The following PDS5A variants were observed in gnomAD, a reference collection of about 807,000 sequenced individuals.
PDS5A encodes PDS5 cohesin associated factor A, also known as sister chromatid cohesion protein PDS5 homolog A.
PDS5A carries 42 observed loss-of-function variants against 167.1 expected under a neutral mutation model. The observed-to-expected ratio is 0.25, with a 90% CI of 0.20 to 0.33. The LOEUF (loss-of-function observed/expected upper bound fraction) is 0.33. Among genes scored for constraint, PDS5A ranks in the 10% least tolerant of loss-of-function variants. The probability of loss-of-function intolerance (pLI) is 1.00; values close to 1 mark genes in which losing one functional copy is unlikely to be tolerated. For synonymous variants in PDS5A, 553 were observed against 554.6 expected (o/e 1.00, Z 0.04); for missense variants, 1,033 against 1,605.9 (o/e 0.64, Z 6.10).
chr4:39,959,507 C>G (rs942753508), intron 2 of PDS5A, among the ~76,000 whole-genome samples: 1 of 152,046 alleles, frequency 6.6e-6, no homozygotes, highest in Admixed American at 6.6e-5. Context: ...CACACCACCA[C>G]ACCCAGCTAA....
intron 32 of PDS5A, among the ~76,000 whole-genome samples, chr4:39,830,617 G>T (rs1371195835): frequency 6.6e-6 from 1 of 152,058 alleles, no homozygotes; most frequent in South Asian, 2.1e-4. Context: ...TAGAGATAGG[G>T]TTTCACCATG....
chr4:39,895,426 C>T (rs909686202), intron 16 of PDS5A, among the ~76,000 whole-genome samples: 9 of 151,886 alleles, frequency 5.9e-5, no homozygotes, highest in Non-Finnish European at 1.5e-5. Flanking sequence ...GATAAAAACA[C>T]AATATAAACC....
intron 2 of PDS5A, among the ~76,000 whole-genome samples, chr4:39,947,821 T>G (rs1727917035): frequency 6.6e-6 from 1 of 152,124 alleles, no homozygotes; most frequent in South Asian, 2.1e-4. Context: ...CATTATCTAT[T>G]CATGAGGGAC....
At chr4:39,871,551 A>AGGCCT (rs1720030601) in intron 21 of PDS5A, among the ~76,000 whole-genome samples, 1 of 152,218 alleles carries the variant, frequency 6.6e-6, no homozygotes, top group Non-Finnish European at 1.5e-5. Context: ...AAGATTACCG[A>AGGCCT]AACATGTGAG....
chr4:39,945,458 CAAAAA>C (rs1210256217), intron 2 of PDS5A, among the ~76,000 whole-genome samples: 1 of 66,840 alleles, frequency 1.5e-5, no homozygotes, highest in Non-Finnish European at 3.0e-5. Context: ...GAGACTGCCT[CAAAAA>C]AAAAAAAAAA....
At chr4:39,893,495 TAAG>T (rs908597661) in intron 16 of PDS5A, among the ~76,000 whole-genome samples, 4 of 152,046 alleles carry the variant, frequency 2.6e-5, no homozygotes, top group African/African-American at 7.3e-5. Context: ...GATATGAAAA[TAAG>T]GAGGTAGTGA....
intron 17 of PDS5A, among the ~76,000 whole-genome samples, chr4:39,890,035 A>C (rs1721826721): frequency 1.3e-5 from 2 of 152,228 alleles, no homozygotes; most frequent in Admixed American, 1.3e-4. Context: ...GCTAAAAATA[A>C]ACATAAGAAC....
chr4:39,913,441 T>A (rs901407519), intron 9 of PDS5A, among the ~76,000 whole-genome samples, 170 bp downstream of exon 9: 2 of 152,178 alleles, frequency 1.3e-5, no homozygotes, highest in Non-Finnish European at 2.9e-5. Flanking sequence ...TAAGCTTTCT[T>A]CATAAAAAAT....
At chr4:39,900,323 T>G in intron 14 of PDS5A, 103 bp downstream of exon 14, 1 of 689,338 alleles carries the variant, frequency 1.5e-6, no homozygotes, top group Non-Finnish European at 2.5e-6. Context: ...ATTTGGAAAA[T>G]AAAACAACTG....
chr4:39,901,781 A>G (rs1029458405), intron 13 of PDS5A, among the ~76,000 whole-genome samples: 1 of 152,230 alleles, frequency 6.6e-6, no homozygotes, highest in Non-Finnish European at 1.5e-5. Context: ...TATTTTTGAC[A>G]AAAATTACAT....
chr4:39,917,231 T>C, intron 7 of PDS5A, 43 bp from the exon 8 acceptor site: 1 of 1,299,864 alleles, frequency 7.7e-7, no homozygotes, highest in Non-Finnish European at 1.1e-6. Context: ...TCCAGTTCAT[T>C]TAAAAACATG....
intron 9 of PDS5A, among the ~76,000 whole-genome samples, chr4:39,913,085 C>T (rs1724031737): frequency 9.0e-6 from 1 of 111,274 alleles, no homozygotes; most frequent in Non-Finnish European, 2.0e-5. Flanking sequence ...ATTCTAATGA[C>T]TTTCTTTTTT....
At chr4:39,936,610 G>T (rs1726637368) in intron 2 of PDS5A, 1 of 151,726 alleles carries the variant, frequency 6.6e-6, no homozygotes, top group Non-Finnish European at 1.5e-5. Flanking sequence ...TTTATTTTTA[G>T]TAGAGACGGG....
intron 2 of PDS5A, among the ~76,000 whole-genome samples, chr4:39,944,694 C>CAAAAAAAAAAAAAAAAAAAAAAAAAAAAA (rs373241104): frequency 1.2e-5 from 1 of 86,112 alleles, no homozygotes. Context: ...AACTCCATCT[C>CAAAAAAAAAAAAAAAAAAAAAAAAAAAAA]AAAAAAAAAA....
At chr4:39,856,921 G>C (rs376858151) in intron 26 of PDS5A, among the ~76,000 whole-genome samples, 1 of 152,124 alleles carries the variant, frequency 6.6e-6, no homozygotes, top group African/African-American at 2.4e-5. Context: ...GATGTGATTC[G>C]TGATAATAAA....
chr4:39,845,096 T>A (rs1216662294), intron 29 of PDS5A, among the ~76,000 whole-genome samples: 1 of 152,104 alleles, frequency 6.6e-6, no homozygotes, highest in African/African-American at 2.4e-5. Context: ...TAGTCCCATC[T>A]ACTCGATAGA....
intron 16 of PDS5A, among the ~76,000 whole-genome samples, chr4:39,895,629 A>G (rs927862440): frequency 9.8e-5 from 15 of 152,320 alleles, no homozygotes; most frequent in Non-Finnish European, 4.4e-5. Flanking sequence ...AGGCAGCACG[A>G]TATTTAAACA....
chr4:39,884,521 T>G (rs956312685), intron 17 of PDS5A, among the ~76,000 whole-genome samples: 3 of 152,196 alleles, frequency 2.0e-5, no homozygotes, highest in East Asian at 3.8e-4. Context: ...CATTCTGGCT[T>G]TGTCCTTGCT....
intron 2 of PDS5A, among the ~76,000 whole-genome samples, chr4:39,967,367 G>A (rs1730072981): frequency 6.6e-6 from 1 of 151,928 alleles, no homozygotes; most frequent in Non-Finnish European, 1.5e-5. Flanking sequence ...ATCAAGAAAT[G>A]CCTGGCGTGG....
Sources: allele counts gnomAD v4.1 joint callset (sites outside exome capture counted in the v4.1 genomes callset), GRCh38; gene constraint gnomAD v4.1.1; transcripts MANE v1.5; gene names NCBI Gene and HGNC (gene_info 2026-07-23, HGNC 2026-07-21).